EXOC6: variants seen among roughly 807,000 people sequenced by gnomAD.
The protein encoded by EXOC6 is SEC15-like 1.
A neutral mutation model predicts 112.5 loss-of-function variants in EXOC6; 60 were observed. The ratio of observed to expected loss-of-function variants is 0.53; its 90% CI spans 0.43 to 0.66. EXOC6 has a LOEUF of 0.66. Among genes scored for constraint, EXOC6 ranks in the 30% least tolerant of loss-of-function variants. The pLI is 0.00. For missense variants in EXOC6, 855 were observed against 957.1 expected (o/e 0.89, Z 1.41); for synonymous variants, 295 against 308.0 (o/e 0.96, Z 0.44).
chr10:92,915,896 G>C lies in EXOC6; in HGVS notation c.802G>C (p.Asp268His), dbSNP rs369735626. The C allele has an allele frequency of 4.8e-5, 74 of 1,538,600 alleles. No homozygotes were observed. The African/African-American group carries it at 1.0e-3, about 21-fold the overall frequency. ...TVLKHSLEEE[D>H]ENEEEILTVQ... ...ATTGAAACATTCACTTGAAGAAGAG[G>C]ATGAGAATGAAGAAGAGGTGATAGG... Residue 268 changes from aspartate (D) to histidine (H), a missense_variant, in exon 7 of 22, where the codon GAT (aspartate) becomes CAT (histidine). Asp to His is a moderately conservative substitution (Grantham distance 81). This residue lies in a region of EXOC6 where 405 missense variants were observed against 393.6 expected (regional missense o/e 1.03). Coordinates refer to ENST00000260762, the MANE Select transcript of EXOC6 (RefSeq NM_019053.6).
intron 20 of EXOC6, among the ~76,000 whole-genome samples, chr10:93,054,201 A>C (rs1846439352): frequency 6.6e-6 from 1 of 152,244 alleles, no homozygotes; most frequent in East Asian, 1.9e-4. Flanking sequence ...CTTACAATGT[A>C]AGCTCCTTGA....
intron 8 of EXOC6, among the ~76,000 whole-genome samples, chr10:92,923,370 G>GTA (rs1851547943): frequency 6.6e-6 from 1 of 152,166 alleles, no homozygotes. Flanking sequence ...ATCAATTGCT[G>GTA]TATAACACAC....
intron 1 of EXOC6, among the ~76,000 whole-genome samples, chr10:92,879,932 T>A (rs190967909): frequency 1.5e-3 from 235 of 152,264 alleles, no homozygotes; most frequent in Middle Eastern, 0.01. Context: ...CTATTTTTTT[T>A]AAAACAGTTA....
At chr10:92,993,401 A>G (rs1354902274) in intron 18 of EXOC6, among the ~76,000 whole-genome samples, 2 of 152,320 alleles carry the variant, frequency 1.3e-5, no homozygotes, top group South Asian at 2.1e-4. Context: ...TTAACATTAA[A>G]TGTACTTGAG....
chr10:92,959,018 C>T (rs1264415256), intron 17 of EXOC6, among the ~76,000 whole-genome samples: 4 of 151,946 alleles, frequency 2.6e-5, no homozygotes, highest in African/African-American at 4.8e-5. Flanking sequence ...CGCTTGAACC[C>T]GGGAGGTAGA....
intron 17 of EXOC6, among the ~76,000 whole-genome samples, chr10:92,961,924 C>T (rs142069001): frequency 0.013 from 1,954 of 152,016 alleles, 42 homozygotes; most frequent in African/African-American, 0.045. Context: ...TTTTGAGGTA[C>T]AAAAGCCCCT....
At chr10:92,949,513 T>C (rs1421706966) in intron 14 of EXOC6, among the ~76,000 whole-genome samples, 1 of 151,710 alleles carries the variant, frequency 6.6e-6, no homozygotes, top group African/African-American at 2.4e-5. Context: ...TTTTAGTTAC[T>C]GGTAATGAGT....
rs563303940 is a variant in EXOC6 at position 92,964,840 on chromosome 10, C to T, written c.1773+9126C>T. On this transcript the variant is annotated intron_variant, in intron 17 of 21. Coordinates refer to ENST00000260762, the MANE Select transcript of EXOC6 (RefSeq NM_019053.6). ...CTGCTTTATGCAATTTTGGCCTCATCGTCAGACTACTTATAGTGGCCCAGC... is the reference window on the plus strand; with the variant it reads ...CTGCTTTATGCAATTTTGGCCTCATTGTCAGACTACTTATAGTGGCCCAGC... 1.1e-3 allele frequency among the ~76,000 whole-genome samples: 172 copies of T among 152,272 alleles called. 1 individual carries two copies. The highest frequency in any genetic ancestry group is 0.01 in the Middle Eastern group (3 of 294).
chr10:92,896,579 A>T (rs1589786802), intron 4 of EXOC6, among the ~76,000 whole-genome samples: 1 of 138,922 alleles, frequency 7.2e-6, no homozygotes, highest in African/African-American at 2.8e-5. Flanking sequence ...GGCTAAAAAA[A>T]TTGTAGTATT....
chr10:92,931,966 A>G (rs1031562118), intron 9 of EXOC6, among the ~76,000 whole-genome samples: 21 of 152,280 alleles, frequency 1.4e-4, no homozygotes, highest in South Asian at 4.1e-4. Context: ...ATGTATCTTT[A>G]TACAGTGGCT....
intron 1 of EXOC6, among the ~76,000 whole-genome samples, chr10:92,876,690 A>G (rs1321471565): frequency 6.6e-6 from 1 of 152,192 alleles, no homozygotes; most frequent in Non-Finnish European, 1.5e-5. Flanking sequence ...GAAAGAACTT[A>G]CAGTAAAGTG....
At chr10:93,058,097 T>G in intron 21 of EXOC6, 126 bp from the exon 22 acceptor site, 1 of 786,816 alleles carries the variant, frequency 1.3e-6, no homozygotes, top group Non-Finnish European at 1.9e-6. Context: ...TCTACTTTCT[T>G]TGAACTATAT....
At chr10:93,031,807 C>T (rs1845289767) in intron 20 of EXOC6, among the ~76,000 whole-genome samples, 1 of 152,140 alleles carries the variant, frequency 6.6e-6, no homozygotes, top group Non-Finnish European at 1.5e-5. Context: ...GCCACCGTGC[C>T]CGCCCCCATG....
rs769459585 is a variant in EXOC6 at position 93,058,395 on chromosome 10, T to A, written c.*40T>A. 2.0e-6 allele frequency: 3 copies of A among 1,534,614 alleles called. No individual in the cohort carries two copies. Among genetic ancestry groups the A allele is most frequent in the Admixed American group, 4.6e-5 (2 of 43,312 alleles). On this transcript the variant is annotated 3_prime_UTR_variant, in exon 22 of 22. Coordinates refer to ENST00000260762, the MANE Select transcript of EXOC6 (RefSeq NM_019053.6). ...GCACTCAGTGACACCAAATCCATGA[T>A]TCAATGTTGATCTTGAGCAAGTATT... is the stretch of plus-strand genomic sequence containing the variant.
intron 20 of EXOC6, among the ~76,000 whole-genome samples, chr10:93,050,562 A>T (rs1846231221): frequency 6.6e-6 from 1 of 152,060 alleles, no homozygotes; most frequent in Admixed American, 6.6e-5. Flanking sequence ...GTTTGAGACC[A>T]GCCTGACCAA....
intron 1 of EXOC6, among the ~76,000 whole-genome samples, chr10:92,882,764 G>A (rs543016413): frequency 2.6e-5 from 4 of 152,136 alleles, no homozygotes; most frequent in South Asian, 4.2e-4. Context: ...AGAGAGTTGC[G>A]GTGTTTCAAG....
chr10:92,952,225 G>A (rs375347940), intron 14 of EXOC6, 48 bp from the exon 15 acceptor site: 280 of 1,186,724 alleles, frequency 2.4e-4, no homozygotes, highest in Non-Finnish European at 3.2e-4. Flanking sequence ...TGATTAGCAT[G>A]TCTTTTTCTA....
rs35310204 is a variant in EXOC6 at position 92,949,594 on chromosome 10, C to CTT, written c.1416+1229_1416+1230dup. On this transcript the variant is annotated intron_variant, in intron 14 of 21. Transcript: ENST00000260762. Reference sequence around the variant, plus strand: ...ATTCATGTGCTAGCTCTGCTTGTGGCTTTTTTTTTTTTTTTGAGACGGAGT... The same window carrying CTT: ...ATTCATGTGCTAGCTCTGCTTGTGGCTTTTTTTTTTTTTTTTTGAGACGGAGT... Among the ~76,000 whole-genome samples the CTT allele has an allele frequency of 1.3e-3, 174 of 129,334 alleles. 1 individual carries two copies. The highest frequency in any genetic ancestry group is 4.5e-3 in the African/African-American group (160 of 35,324). 84.8% of individuals were successfully genotyped at this position (129,334 alleles called of 152,430 possible). A position where few individuals can be genotyped will look rare whatever the true frequency, so the allele number is the denominator to read the frequency against.
intron 5 of EXOC6, among the ~76,000 whole-genome samples, chr10:92,905,533 G>A (rs1292642876): frequency 6.6e-6 from 1 of 151,972 alleles, no homozygotes; most frequent in African/African-American, 2.4e-5. Flanking sequence ...TACCTGCAAA[G>A]ACTTCTGTTT....
Sources: gnomAD v4.1 joint callset for allele counts (sites outside exome capture counted in the v4.1 genomes callset) on GRCh38, gnomAD v4.1.1 for gene constraint, gnomAD v4.1.1 regional missense constraint, MANE v1.5 for transcripts, NCBI Gene and HGNC (gene_info 2026-07-23, HGNC 2026-07-21) for gene names.